Variants in PTPRD observed in about 807,000 individuals in gnomAD.
The protein encoded by PTPRD is protein tyrosine phosphatase receptor type D.
PTPRD carries 34 observed loss-of-function variants against 214.5 expected under a neutral mutation model. The observed-to-expected ratio is 0.16, with a 90% CI of 0.12 to 0.21. The LOEUF (loss-of-function observed/expected upper bound fraction) is 0.21. Among genes scored for constraint, PTPRD ranks in the 10% least tolerant of loss-of-function variants. PTPRD has a pLI of 1.00. For missense variants in PTPRD, 2,545 were observed against 2,398.7 expected, an observed-to-expected ratio of 1.06 and a Z score of -1.27; for synonymous variants, 1,128 against 845.7, an observed-to-expected ratio of 1.33 and a Z score of -5.79.
chr9:9,679,161 A>G (rs2097006870), intron 7 of PTPRD, among the ~76,000 whole-genome samples: 1 of 150,620 alleles, frequency 6.6e-6, no homozygotes, highest in Non-Finnish European at 1.5e-5. Context: ...TTCCTAAAAG[A>G]CAAACAACCA....
chr9:10,032,112 G>T (rs980614878), intron 4 of PTPRD, among the ~76,000 whole-genome samples: 1 of 152,040 alleles, frequency 6.6e-6, no homozygotes, highest in African/African-American at 2.4e-5. Flanking sequence ...GGAAGATCTC[G>T]ATTAATACTC....
chr9:8,791,523 C>CT (rs34501354), intron 11 of PTPRD, among the ~76,000 whole-genome samples: 10,713 of 86,802 alleles, frequency 0.12, 1,150 homozygotes, highest in East Asian at 0.18. Flanking sequence ...CATGCCCAGA[C>CT]TTTTTTTTTT....
chr9:10,177,084 T>C (rs1024010475), intron 3 of PTPRD, among the ~76,000 whole-genome samples: 14 of 151,824 alleles, frequency 9.2e-5, no homozygotes, highest in Non-Finnish European at 2.9e-5. Context: ...ATCTTATACA[T>C]TAAAAAAGAA....
At chr9:8,901,809 T>A (rs191851673) in intron 11 of PTPRD, among the ~76,000 whole-genome samples, 62 of 152,340 alleles carry the variant, frequency 4.1e-4, no homozygotes, top group African/African-American at 1.4e-3. Context: ...GACTTTATAA[T>A]TTCCTTTTGT....
At chr9:9,013,920 T>C (rs573012245) in intron 11 of PTPRD, among the ~76,000 whole-genome samples, 2 of 152,270 alleles carry the variant, frequency 1.3e-5, no homozygotes, top group East Asian at 3.9e-4. Flanking sequence ...ATGGATCTTT[T>C]GTTGGGTGCA....
rs1028922311 is a variant in PTPRD at position 8,684,383 on chromosome 9, A to G, written c.65-47539T>C. Among the ~76,000 whole-genome samples the G allele has an allele frequency of 7.2e-5, 11 of 152,182 alleles. No homozygotes were observed. The East Asian group carries it at 1.4e-3, about 19-fold the overall frequency. On this transcript the variant is annotated intron_variant, in intron 12 of 45. Coordinates refer to ENST00000381196, the MANE Select transcript of PTPRD (RefSeq NM_002839.4). ...GCTGGGAGAAGCTAATAAGGTGCTC[A>G]ATGTCACACAGCTGACAAGTGAACC...
intron 34 of PTPRD, among the ~76,000 whole-genome samples, chr9:8,448,936 T>C (rs972843240): frequency 4.9e-4 from 75 of 152,192 alleles, no homozygotes; most frequent in African/African-American, 1.7e-3. Flanking sequence ...TATCATAACA[T>C]ATTAAGATAG....
intron 7 of PTPRD, among the ~76,000 whole-genome samples, chr9:9,587,497 A>G (rs1013203506): frequency 6.6e-6 from 1 of 152,056 alleles, no homozygotes; most frequent in Non-Finnish European, 1.5e-5. Context: ...AGGTAATTTA[A>G]TTGAAGTGCC....
At chr9:8,491,809 C>T (rs1184062255) in intron 27 of PTPRD, among the ~76,000 whole-genome samples, 6 of 152,128 alleles carry the variant, frequency 3.9e-5, no homozygotes, top group Admixed American at 1.3e-4. Flanking sequence ...GCATGGCACG[C>T]AGGAGGGCAC....
At chr9:10,603,298 G>A (rs1002584432) in intron 2 of PTPRD, among the ~76,000 whole-genome samples, 1 of 151,840 alleles carries the variant, frequency 6.6e-6, no homozygotes, top group African/African-American at 2.4e-5. Flanking sequence ...ACTGGAGTTA[G>A]TTTTCCTTGA....
At chr9:9,772,605 T>A (rs1056461712) in intron 5 of PTPRD, among the ~76,000 whole-genome samples, 4 of 142,522 alleles carry the variant, frequency 2.8e-5, no homozygotes, top group African/African-American at 1.0e-4. Context: ...TCTATTGACC[T>A]GAAGATTGTC....
At chr9:8,464,045 A>C (rs180810224) in intron 32 of PTPRD, among the ~76,000 whole-genome samples, 89 of 152,082 alleles carry the variant, frequency 5.9e-4, no homozygotes, top group African/African-American at 2.1e-3. Context: ...TTCTGTAATT[A>C]ATAAACAGAT....
rs1822814979 is a variant in PTPRD, at chr9:8,317,517, G to A, written c.*357C>T. On this transcript the variant is annotated 3_prime_UTR_variant, in exon 46 of 46. Transcript: ENST00000381196. ...ACCAGCACATATCTTGTGCTGAACT[G>A]CAGCATTCTGGCAATTTCTCCTTGC... 1 of 273,342 alleles carries A rather than the reference G, an allele frequency of 3.7e-6. No homozygotes were observed. The highest frequency in any genetic ancestry group is 9.5e-5 in the South Asian group (1 of 10,492). The allele number at this position is 273,342 out of a possible 1,614,324, so 16.9% of individuals were successfully genotyped here. A position where few individuals can be genotyped will look rare whatever the true frequency, so the allele number is the denominator to read the frequency against.
intron 7 of PTPRD, among the ~76,000 whole-genome samples, chr9:9,600,208 C>A (rs780688346): frequency 6.6e-6 from 1 of 151,964 alleles, no homozygotes; most frequent in Non-Finnish European, 1.5e-5. Context: ...CTTTGTGACA[C>A]AAATTATTTG....
chr9:9,020,387 C>A (rs541649587), intron 10 of PTPRD, among the ~76,000 whole-genome samples: 3 of 152,004 alleles, frequency 2.0e-5, no homozygotes, highest in South Asian at 2.1e-4. Context: ...TGATTGGAAG[C>A]GGAGGTGAAA....
intron 14 of PTPRD, among the ~76,000 whole-genome samples, chr9:8,559,074 A>T (rs1564339526): frequency 6.6e-6 from 1 of 152,226 alleles, no homozygotes; most frequent in Admixed American, 6.5e-5. Flanking sequence ...CTTTTATGCC[A>T]AATTGTTTTT....
intron 5 of PTPRD, among the ~76,000 whole-genome samples, chr9:9,794,229 A>G (rs2098987165): frequency 1.3e-5 from 2 of 151,604 alleles, no homozygotes; most frequent in South Asian, 2.1e-4. Flanking sequence ...ACGTACATAT[A>G]CATATATATA....
intron 11 of PTPRD, among the ~76,000 whole-genome samples, chr9:8,773,333 G>A (rs927531065): frequency 2.6e-5 from 4 of 151,996 alleles, no homozygotes; most frequent in African/African-American, 7.3e-5. Flanking sequence ...CAGACACTCG[G>A]CCCCATCTTC....
intron 12 of PTPRD, among the ~76,000 whole-genome samples, chr9:8,696,043 A>G (rs185669082): frequency 3.9e-5 from 6 of 152,228 alleles, no homozygotes; most frequent in Non-Finnish European, 7.3e-5. Context: ...GACACCTGAC[A>G]TAAGAGAGTA....
Sources: gnomAD v4.1 joint callset for allele counts (sites outside exome capture counted in the v4.1 genomes callset) on GRCh38, gnomAD v4.1.1 for gene constraint, MANE v1.5 for transcripts, NCBI Gene and HGNC (gene_info 2026-07-23, HGNC 2026-07-21) for gene names.